The following IMPA2 variants were observed in gnomAD, a reference collection of about 807,000 sequenced individuals.
IMPA2 encodes inositol monophosphatase 2, also known as IMP 2.
A neutral mutation model predicts 35.1 loss-of-function variants in IMPA2; 32 were observed. The ratio of observed to expected loss-of-function variants is 0.91; its 90% CI spans 0.69 to 1.23. IMPA2 has a LOEUF of 1.23. IMPA2 is among the 50% of genes most tolerant of loss of function. The pLI, the probability that IMPA2 is intolerant of heterozygous loss-of-function variation, is 0.00. For missense variants in IMPA2, 334 were observed against 387.6 expected (o/e 0.86, Z 1.16); for synonymous variants, 135 against 160.6 (o/e 0.84, Z 1.20).
rs556767240 is a variant in IMPA2 at position 12,030,516 on chromosome 18, G to A, written c.*58G>A. 1.7e-4 allele frequency: 243 copies of A among 1,434,362 alleles called. No individual in the cohort carries two copies. Among genetic ancestry groups the A allele is most frequent in the Non-Finnish European group, 2.3e-4 (237 of 1,018,718 alleles). 88.9% of individuals were successfully genotyped at this position (1,434,362 alleles called of 1,614,324 possible). On this transcript the variant is annotated 3_prime_UTR_variant, in exon 8 of 8. Transcript: ENST00000269159. The stretch of plus-strand genomic sequence containing the variant: ...CCCTGGGCTGCTGTGGGCTCCTGGG[G>A]AGGTGGCCCTCGTGGCCCACGCTCC...
At chr18:12,014,421 GA>G in intron 5 of IMPA2, 48 bp downstream of exon 5, 1 of 1,199,194 alleles carries the variant, frequency 8.3e-7, no homozygotes. Context: ...ATAAAAGTGT[GA>G]AAGGAGAATG....
rs1162606770 is a variant in IMPA2, at chr18:12,010,897, A to T, written c.335+910A>T. Among the ~76,000 whole-genome samples the T allele has an allele frequency of 6.6e-6, 1 of 152,208 alleles. No individual in the cohort carries two copies. Among genetic ancestry groups the T allele is most frequent in the African/African-American group, 2.4e-5 (1 of 41,444 alleles). On this transcript the variant is annotated intron_variant, in intron 3 of 7. Coordinates refer to ENST00000269159, the MANE Select transcript of IMPA2 (RefSeq NM_014214.3). The surrounding 1 kb of genome is among the most constrained non-coding windows in gnomAD (Gnocchi z 4.8). ...TTGCCTCGAGAATTCAGTTGTGCCT[A>T]CATAAGGTGACCCTTTCGAGGCAGT...
chr18:12,003,795 C>T (rs894363206), intron 2 of IMPA2, among the ~76,000 whole-genome samples: 3 of 151,994 alleles, frequency 2.0e-5, no homozygotes, highest in Non-Finnish European at 1.5e-5. Context: ...GGCGCCTAAA[C>T]CTGTTTTCAG....
At chr18:12,001,003 G>A (rs369854456) in intron 2 of IMPA2, among the ~76,000 whole-genome samples, 6 of 151,216 alleles carry the variant, frequency 4.0e-5, no homozygotes, top group East Asian at 4.0e-4. Context: ...AGGCTGAGGC[G>A]GGCGGATCAC....
At chr18:12,005,103 G>A (rs73404704) in intron 2 of IMPA2, among the ~76,000 whole-genome samples, 3 of 152,160 alleles carry the variant, frequency 2.0e-5, no homozygotes, top group Non-Finnish European at 2.9e-5. Context: ...CCTTCACACC[G>A]CTGCAGCCAC....
chr18:11,995,784 G>A (rs1017944925), intron 1 of IMPA2, among the ~76,000 whole-genome samples: 2 of 152,172 alleles, frequency 1.3e-5, no homozygotes, highest in Non-Finnish European at 1.5e-5. Context: ...GAAGGACCTG[G>A]GTGGTCAGCA....
intron 5 of IMPA2, among the ~76,000 whole-genome samples, chr18:12,020,769 T>C (rs988873744): frequency 2.0e-5 from 3 of 152,192 alleles, no homozygotes; most frequent in South Asian, 2.1e-4. Flanking sequence ...ATTTCCTTTA[T>C]GTAATTTTTC....
intron 7 of IMPA2, among the ~76,000 whole-genome samples, chr18:12,029,716 C>T (rs1435008368): frequency 9.2e-5 from 14 of 152,344 alleles, no homozygotes; most frequent in East Asian, 1.9e-4. Context: ...CCACCATGCC[C>T]GGCCTCCATT....
intron 1 of IMPA2, among the ~76,000 whole-genome samples, chr18:11,984,985 A>C (rs926331585): frequency 6.1e-5 from 7 of 114,468 alleles, no homozygotes; most frequent in African/African-American, 2.1e-4. Context: ...AAAAAAAAAA[A>C]CAACAAAAAT....
intron 2 of IMPA2, among the ~76,000 whole-genome samples, chr18:12,005,622 T>C (rs1365775154): frequency 6.6e-6 from 1 of 152,266 alleles, no homozygotes; most frequent in Non-Finnish European, 1.5e-5. Context: ...TAGTTGCTGC[T>C]GGGAAAACAA....
At chr18:12,012,416 G>A (rs756720028) in intron 4 of IMPA2, 17 of 586,654 alleles carry the variant, frequency 2.9e-5, no homozygotes, top group Middle Eastern at 5.8e-4. Context: ...GTGGGGCTCC[G>A]TGGCTGGCCC....
intron 3 of IMPA2, 86 bp from the exon 4 acceptor site, chr18:12,012,084 A>G: frequency 7.9e-7 from 1 of 1,259,624 alleles, no homozygotes; most frequent in Non-Finnish European, 1.1e-6. Context: ...GGTCCTTCTG[A>G]GCCTGCGGGG....
chr18:11,986,405 C>A, intron 1 of IMPA2, among the ~76,000 whole-genome samples: 1 of 152,174 alleles, frequency 6.6e-6, no homozygotes, highest in South Asian at 2.1e-4. Flanking sequence ...CTTTCCAGTG[C>A]CCCACCTGGT....
intron 5 of IMPA2, among the ~76,000 whole-genome samples, chr18:12,019,884 A>G (rs183266151): frequency 2.7e-5 from 4 of 148,490 alleles, no homozygotes; most frequent in Admixed American, 2.0e-4. Context: ...ATAAAAAAAT[A>G]TATATATTTT....
chr18:12,014,794 G>C (rs1056524955), intron 5 of IMPA2, among the ~76,000 whole-genome samples: 7 of 152,208 alleles, frequency 4.6e-5, no homozygotes, highest in African/African-American at 1.7e-4. Flanking sequence ...ACAGTAACTG[G>C]CTTCAGCTTC....
At chr18:11,990,022 C>G (rs929713348) in intron 1 of IMPA2, among the ~76,000 whole-genome samples, 1 of 152,178 alleles carries the variant, frequency 6.6e-6, no homozygotes, top group African/African-American at 2.4e-5. Flanking sequence ...CCCTCCCTCT[C>G]TCCTGGCCTC....
At chr18:11,987,475 CAT>C in intron 1 of IMPA2, among the ~76,000 whole-genome samples, 1 of 152,166 alleles carries the variant, frequency 6.6e-6, no homozygotes, top group Non-Finnish European at 1.5e-5. Flanking sequence ...GGTCTACAGG[CAT>C]GCGCCACCAT....
At position 11,993,000 on chromosome 18, in the gene IMPA2, T is replaced by C. The variant is rs1444616057; in HGVS notation, c.97-6054T>C. ...TGCAACGTGTACATTGTATGTACGG[T>C]AGGTTCTTATTTTTTGTAACAATAC... is the stretch of plus-strand genomic sequence containing the variant. On this transcript the variant is annotated intron_variant, in intron 1 of 7. Coordinates refer to ENST00000269159, the MANE Select transcript of IMPA2 (RefSeq NM_014214.3). Among the ~76,000 whole-genome samples, 2 of 152,248 alleles carry C rather than the reference T, an allele frequency of 1.3e-5. 1 individual carries two copies. Among genetic ancestry groups the C allele is most frequent in the African/African-American group, 4.8e-5 (2 of 41,472 alleles).
chr18:12,002,725 C>T lies in IMPA2; in HGVS notation c.230+3538C>T, dbSNP rs186726401. On this transcript the variant is annotated intron_variant, in intron 2 of 7. Coordinates refer to ENST00000269159, the MANE Select transcript of IMPA2 (RefSeq NM_014214.3). ...TGGAGGTCGAGTTGTGATGCTGCCA[C>T]TGCAGTCTAGCCTGGGTGACAGAGC... Among the ~76,000 whole-genome samples, 708 of 148,446 alleles carry T rather than the reference C, an allele frequency of 4.8e-3. 3 individuals carry two copies. Among genetic ancestry groups the T allele is most frequent in the Non-Finnish European group, 8.2e-3 (555 of 67,492 alleles).
Sources: allele counts gnomAD v4.1 joint callset (sites outside exome capture counted in the v4.1 genomes callset), GRCh38; gene constraint gnomAD v4.1.1; non-coding constraint Gnocchi (gnomAD v3.1); transcripts MANE v1.5; gene names NCBI Gene and HGNC (gene_info 2026-07-23, HGNC 2026-07-21).